The following PSMB1 variants were observed in gnomAD, a reference collection of about 807,000 sequenced individuals.
PSMB1 encodes proteasome 20S subunit beta 1, also known as proteasome subunit beta type-1.
Under a neutral mutation model 25.4 loss-of-function variants are expected in PSMB1, and 7 were observed. The observed-to-expected ratio is 0.28, with a 90% CI of 0.16 to 0.52. PSMB1 has a LOEUF of 0.52. Ranked by LOEUF, PSMB1 falls within the 20% of genes least tolerant of loss-of-function variation. PSMB1 has a pLI of 0.97. For synonymous variants in PSMB1, 119 were observed against 115.0 expected (o/e 1.03, Z -0.22); for missense variants, 284 against 302.2 (o/e 0.94, Z 0.45).
chr6:170,543,574 C>A (rs780940179), intron 4 of PSMB1, 27 bp downstream of exon 4: 1 of 1,581,874 alleles, frequency 6.3e-7, no homozygotes, highest in Non-Finnish European at 8.6e-7. Context: ...CTCCCCCCCA[C>A]CATTTTCCAG....
chr6:170,549,396 G>A (rs908036192), intron 1 of PSMB1: 6 of 343,080 alleles, frequency 1.7e-5, no homozygotes, highest in African/African-American at 6.3e-5. Context: ...ATACTTACTC[G>A]CGCAAGGTAC....
intron 4 of PSMB1, among the ~76,000 whole-genome samples, chr6:170,540,882 A>G (rs552987260): frequency 6.6e-6 from 1 of 152,284 alleles, no homozygotes; most frequent in South Asian, 2.1e-4. Flanking sequence ...GGAGTCAAAA[A>G]TAAAGTACCG....
intron 1 of PSMB1, 25 bp from the exon 2 acceptor site, chr6:170,549,138 T>G (rs751881003): frequency 4.3e-6 from 6 of 1,398,952 alleles, no homozygotes; most frequent in Non-Finnish European, 6.1e-6. Context: ...AAAAAATTAA[T>G]TCTCCAGGGT....
chr6:170,536,393 C>T (rs1778693714), intron 5 of PSMB1: 1 of 450,666 alleles, frequency 2.2e-6, no homozygotes, highest in African/African-American at 2.0e-5. Flanking sequence ...TATTATAAAC[C>T]TTAAATAACA....
At chr6:170,551,902 T>C (rs1032543467) in intron 1 of PSMB1, among the ~76,000 whole-genome samples, 1 of 152,190 alleles carries the variant, frequency 6.6e-6, no homozygotes, top group African/African-American at 2.4e-5. Flanking sequence ...CCAAAAACTA[T>C]GAAGCTACTA....
chr6:170,540,240 A>G (rs1778742544), intron 4 of PSMB1, among the ~76,000 whole-genome samples: 2 of 152,212 alleles, frequency 1.3e-5, no homozygotes, highest in Non-Finnish European at 2.9e-5. Flanking sequence ...CCACCAACAC[A>G]GAAGACAGTA....
chr6:170,535,279 T>A lies in PSMB1; in HGVS notation c.667A>T (p.Ile223Phe), dbSNP rs1343984843. Reference protein sequence around the residue: ...RDVYTGDALRICIVTKEGIRE... With the variant: ...RDVYTGDALRFCIVTKEGIRE... The stretch of plus-strand genomic sequence containing the variant: ...ATGCCCTCTTTGGTCACTATGCAGA[T>A]CCGGAGTGCGTCCCCAGTGTACACA... Residue 223 changes from isoleucine (I) to phenylalanine (F), a missense_variant, in exon 6 of 6, where the codon ATC (isoleucine) becomes TTC (phenylalanine). By Grantham distance (21) the Ile-to-Phe change is conservative. Transcript: ENST00000262193. The A allele has an allele frequency of 6.2e-7, 1 of 1,614,132 alleles. No homozygotes were observed. The highest frequency in any genetic ancestry group is 1.7e-5 in the Admixed American group (1 of 60,008).
Position 170,543,736 on chromosome 6 carries a change from A to G in PSMB1, c.304-6T>C. On this transcript the variant is annotated splice_polypyrimidine_tract_variant and splice_region_variant and intron_variant, in intron 3 of 5. Coordinates refer to ENST00000262193, the MANE Select transcript of PSMB1 (RefSeq NM_002793.4). ...TTATTGGAATGCTTATACATCTGCA[A>G]TTATTGATAAAAGTCACAGGCATGT... 1 of 1,604,258 alleles carries G rather than the reference A, an allele frequency of 6.2e-7. No homozygotes were observed.
Position 170,553,200 on chromosome 6 carries a change from A to G in PSMB1, c.43T>C (p.Leu15=), listed in dbSNP as rs1456370615. 3 of 1,613,896 alleles carry G rather than the reference A, an allele frequency of 1.9e-6. No individual in the cohort carries two copies. The highest frequency in any genetic ancestry group is 2.5e-6 in the Non-Finnish European group (3 of 1,179,934). The part of the protein sequence containing the change: ...TAMYSAPGRD[L]GMEPHRAAGP... ...GCGGCTCTGTGCGGTTCCATCCCCAAGTCTCTGCCAGGAGCCGAATACATG... is the reference window on the plus strand; with the variant it reads ...GCGGCTCTGTGCGGTTCCATCCCCAGGTCTCTGCCAGGAGCCGAATACATG... Residue 15 remains leucine (L), a synonymous_variant, in exon 1 of 6, where the codon TTG becomes CTG. Coordinates refer to ENST00000262193, the MANE Select transcript of PSMB1 (RefSeq NM_002793.4).
chr6:170,538,098 C>T (rs1196825404), intron 4 of PSMB1, among the ~76,000 whole-genome samples: 2 of 152,160 alleles, frequency 1.3e-5, no homozygotes, highest in African/African-American at 2.4e-5. Context: ...TGTGGCTGGT[C>T]ATCTTTGAGC....
chr6:170,539,631 T>C (rs377443711), intron 4 of PSMB1, among the ~76,000 whole-genome samples: 1 of 152,142 alleles, frequency 6.6e-6, no homozygotes, highest in Non-Finnish European at 1.5e-5. Flanking sequence ...GAAGGTTATA[T>C]AAAATCGGGT....
rs1305520680 is a variant in PSMB1 at position 170,553,289 on chromosome 6, A to G, written c.-47T>C. ...CCGACACTTGCTGTCTCACGGCGAG[A>G]TGGCTGCCTTGACCGGACGTTACGC... is the stretch of plus-strand genomic sequence containing the variant. On this transcript the variant is annotated 5_prime_UTR_variant, in exon 1 of 6. Coordinates refer to ENST00000262193, the MANE Select transcript of PSMB1 (RefSeq NM_002793.4). The G allele has an allele frequency of 6.3e-6, 9 of 1,439,398 alleles. No homozygotes were observed. Among genetic ancestry groups the G allele is most frequent in the Non-Finnish European group, 7.7e-6 (8 of 1,037,112 alleles). 89.2% of individuals were successfully genotyped at this position (1,439,398 alleles called of 1,614,324 possible). A position where few individuals can be genotyped will look rare whatever the true frequency, so the allele number is the denominator to read the frequency against.
In PSMB1 at chr6:170,549,050, T is replaced by C; in HGVS notation, c.177A>G (p.Glu59=). The change falls in exon 2 of 6, where the codon GAA becomes GAG. Residue 59 remains glutamate, a synonymous_variant. Coordinates refer to ENST00000262193, the MANE Select transcript of PSMB1 (RefSeq NM_002793.4). ...TATCCCGCGTATGAATTGAAAACCC[T>C]TCACTCAATCGAGTATCAGAAGCAA... The part of the protein sequence containing the change: ...AIVASDTRLS[E]GFSIHTRDSP... The C allele has an allele frequency of 6.2e-7, 1 of 1,613,904 alleles. No homozygotes were observed. Among genetic ancestry groups the C allele is most frequent in the Non-Finnish European group, 8.5e-7 (1 of 1,179,824 alleles).
Position 170,537,289 on chromosome 6 carries a change from G to A in PSMB1, c.485C>T (p.Ser162Phe). Residue 162 changes from serine to phenylalanine, a missense_variant, in exon 5 of 6, where the codon TCC becomes TTC. Physicochemically the swap from Ser to Phe is radical, Grantham distance 155. Transcript: ENST00000262193. ...ACTTGCTGAGCCTCCAGCCTTGAAG[G>A]AGTCTCTCTGGTAAGACCCTACTGG... The part of the protein sequence containing the change: ...FDPVGSYQRD[S>F]FKAGGSASAM... 2 of 1,614,150 alleles carry A rather than the reference G, an allele frequency of 1.2e-6. No individual in the cohort carries two copies. Among genetic ancestry groups the A allele is most frequent in the Non-Finnish European group, 1.7e-6 (2 of 1,180,014 alleles).
chr6:170,535,592 A>T (rs1350278754), intron 5 of PSMB1, among the ~76,000 whole-genome samples, 187 bp from the exon 6 acceptor site: 2 of 150,802 alleles, frequency 1.3e-5, no homozygotes, highest in Non-Finnish European at 2.9e-5. Context: ...CAGAAATCTG[A>T]CAACGATTCC....
chr6:170,551,266 C>T (rs1019671484), intron 1 of PSMB1, among the ~76,000 whole-genome samples: 1 of 152,046 alleles, frequency 6.6e-6, no homozygotes, highest in Non-Finnish European at 1.5e-5. Flanking sequence ...CTGAAGAAGC[C>T]GAATCGAGGG....
At chr6:170,543,003 G>T (rs1778774343) in intron 4 of PSMB1, among the ~76,000 whole-genome samples, 1 of 152,172 alleles carries the variant, frequency 6.6e-6, no homozygotes, top group Non-Finnish European at 1.5e-5. Flanking sequence ...AGAACATTTG[G>T]ATTGCAAATG....
At chr6:170,553,082 GA>G in intron 1 of PSMB1, 47 bp downstream of exon 1, 1 of 1,499,482 alleles carries the variant, frequency 6.7e-7, no homozygotes, top group Non-Finnish European at 9.1e-7. Flanking sequence ...GGCTTCAGCA[GA>G]TGGGGGAAGG....
chr6:170,545,065 AC>A (rs1414092478), intron 3 of PSMB1, among the ~76,000 whole-genome samples: 1 of 151,540 alleles, frequency 6.6e-6, no homozygotes, highest in Non-Finnish European at 1.5e-5. Context: ...AATCACTTGA[AC>A]CCAGGAGGCA....
Sources: allele counts gnomAD v4.1 joint callset (sites outside exome capture counted in the v4.1 genomes callset), GRCh38; gene constraint gnomAD v4.1.1; transcripts MANE v1.5; gene names NCBI Gene and HGNC (gene_info 2026-07-23, HGNC 2026-07-21).